The following NTNG1 variants were observed in gnomAD, a reference collection of about 807,000 sequenced individuals.
NTNG1 encodes the protein netrin G1, also known as netrin-G1.
In NTNG1, 16 loss-of-function variants were observed where a neutral mutation model predicts 54.0. That is an observed-to-expected ratio of 0.30 (90% CI 0.20 to 0.45). The LOEUF (loss-of-function observed/expected upper bound fraction) is 0.45. Ranked by LOEUF, NTNG1 falls within the 20% of genes least tolerant of loss-of-function variation. The pLI is 1.00. For missense variants in NTNG1, 530 were observed against 678.7 expected (o/e 0.78, Z 2.43); for synonymous variants, 255 against 263.1 (o/e 0.97, Z 0.30).
intron 2 of NTNG1, among the ~76,000 whole-genome samples, chr1:107,251,220 A>G (rs539381739): frequency 1.2e-4 from 19 of 152,328 alleles, no homozygotes; most frequent in African/African-American, 3.8e-4. Flanking sequence ...AATCTTGCTC[A>G]TATATCCATA....
At position 107,324,929 on chromosome 1, in the gene NTNG1, G is replaced by GA; in HGVS notation, c.887+11dup. The stretch of plus-strand genomic sequence containing the variant: ...ACATAAAGGTGCGAGGAAGGTAAGA[G>GA]AAAATCTGTCTGCCTTCAATGGGAA... On this transcript the variant is annotated splice_region_variant and intron_variant, in intron 3 of 7. Coordinates refer to ENST00000370068, the MANE Select transcript of NTNG1 (RefSeq NM_001113226.3). 2 of 1,600,868 alleles carry GA rather than the reference G, an allele frequency of 1.2e-6. No homozygotes were observed. The highest frequency in any genetic ancestry group is 2.2e-5 in the East Asian group (1 of 44,678).
chr1:107,351,287 G>T (rs1280966176), intron 3 of NTNG1, among the ~76,000 whole-genome samples: 2 of 152,134 alleles, frequency 1.3e-5, no homozygotes, highest in African/African-American at 4.8e-5. Flanking sequence ...TAGTCAGTTT[G>T]CTCACTGCTA....
rs770978702 is a variant in NTNG1, at chr1:107,181,727, C to T, written c.246+32888C>T. ...TTAATGTCCTTGCTGTCTGCACTGA[C>T]TTGGGGCTCCAAGGCTCTCTCATTA... On this transcript the variant is annotated intron_variant, in intron 2 of 7. Coordinates refer to ENST00000370068, the MANE Select transcript of NTNG1 (RefSeq NM_001113226.3). Among the ~76,000 whole-genome samples the T allele has an allele frequency of 2.1e-4, 32 of 152,262 alleles. No individual in the cohort carries two copies. In the East Asian group the frequency reaches 3.1e-3, roughly 15 times the overall value.
intron 2 of NTNG1, among the ~76,000 whole-genome samples, chr1:107,297,146 TATATATATAACATC>T (rs1182275268): frequency 1.0e-4 from 15 of 144,894 alleles, no homozygotes; most frequent in East Asian, 2.0e-4. Flanking sequence ...TAACATCATA[TATATATATAACATC>T]ATATATATAA....
intron 3 of NTNG1, among the ~76,000 whole-genome samples, chr1:107,387,860 A>G (rs1413705182): frequency 6.6e-6 from 1 of 152,186 alleles, no homozygotes; most frequent in African/African-American, 2.4e-5. Flanking sequence ...GGGCCTTGGT[A>G]ATTGTTGGCC....
At chr1:107,347,112 G>A (rs555484751) in intron 3 of NTNG1, among the ~76,000 whole-genome samples, 37 of 152,052 alleles carry the variant, frequency 2.4e-4, no homozygotes, top group Admixed American at 8.5e-4. Context: ...CATCTTTGTC[G>A]TCACACAGAC....
At chr1:107,299,988 C>T (rs1453820818) in intron 2 of NTNG1, among the ~76,000 whole-genome samples, 1 of 152,150 alleles carries the variant, frequency 6.6e-6, no homozygotes, top group African/African-American at 2.4e-5. Context: ...ATCATAACAA[C>T]AGTGCTTCAT....
At chr1:107,265,557 C>A (rs3125681) in intron 2 of NTNG1, among the ~76,000 whole-genome samples, 1 of 152,298 alleles carries the variant, frequency 6.6e-6, no homozygotes, top group African/African-American at 2.4e-5. Context: ...ATGTCATATG[C>A]AGATTCTAAA....
intron 2 of NTNG1, among the ~76,000 whole-genome samples, chr1:107,243,207 C>A (rs1199985363): frequency 2.0e-5 from 3 of 152,120 alleles, no homozygotes; most frequent in Non-Finnish European, 4.4e-5. Context: ...CTTGTTATAA[C>A]ATCAGTGGTT....
chr1:107,299,767 A>G (rs1666209538), intron 2 of NTNG1, among the ~76,000 whole-genome samples: 1 of 152,172 alleles, frequency 6.6e-6, no homozygotes, highest in Non-Finnish European at 1.5e-5. Flanking sequence ...CAGATAAGCA[A>G]CTAAGGCCAG....
chr1:107,391,347 G>C (rs1672346553), intron 3 of NTNG1, among the ~76,000 whole-genome samples: 1 of 152,152 alleles, frequency 6.6e-6, no homozygotes, highest in African/African-American at 2.4e-5. Flanking sequence ...ATTGTGTTGA[G>C]ATTGGGTAGA....
chr1:107,149,299 A>G (rs1392968785), intron 2 of NTNG1, among the ~76,000 whole-genome samples: 1 of 152,190 alleles, frequency 6.6e-6, no homozygotes, highest in Non-Finnish European at 1.5e-5. Context: ...TCTCATAATT[A>G]TGTTCATCAG....
rs1370907295 is a variant in NTNG1 at position 107,324,264 on chromosome 1, TTTG to T, written c.247-15_247-13del. 3 of 1,607,392 alleles carry T rather than the reference TTTG, an allele frequency of 1.9e-6. No homozygotes were observed. The highest frequency in any genetic ancestry group is 2.6e-6 in the Non-Finnish European group (3 of 1,175,006). ...AAACCAGTGTTTTGATGCACGCTCT[TTTG>T]TTCTTCTTCCATAGGGCAATCCCTA... On this transcript the variant is annotated splice_polypyrimidine_tract_variant and intron_variant, in intron 2 of 7. Coordinates refer to ENST00000370068, the MANE Select transcript of NTNG1 (RefSeq NM_001113226.3).
chr1:107,280,292 CTCT>C (rs1031714910), intron 2 of NTNG1, among the ~76,000 whole-genome samples: 12 of 149,486 alleles, frequency 8.0e-5, no homozygotes, highest in Non-Finnish European at 1.3e-4. Flanking sequence ...GTTCTCTGCT[CTCT>C]TCTTTGCAAC....
intron 3 of NTNG1, among the ~76,000 whole-genome samples, chr1:107,341,715 C>CA (rs1269963158): frequency 6.6e-6 from 1 of 151,856 alleles, no homozygotes; most frequent in Non-Finnish European, 1.5e-5. Flanking sequence ...TTGGTCAGCA[C>CA]AAAAAAGGAG....
At chr1:107,449,704 GCTT>G (rs1676509183) in intron 7 of NTNG1, among the ~76,000 whole-genome samples, 1 of 142,086 alleles carries the variant, frequency 7.0e-6, no homozygotes, top group Non-Finnish European at 1.5e-5. Flanking sequence ...AATGTTATGA[GCTT>G]CTTCTGCTGG....
At chr1:107,207,750 A>G (rs187238574) in intron 2 of NTNG1, among the ~76,000 whole-genome samples, 1 of 152,180 alleles carries the variant, frequency 6.6e-6, no homozygotes, top group African/African-American at 2.4e-5. Flanking sequence ...TGCTCTGTGA[A>G]GTGATAAGAG....
At chr1:107,157,604 T>C (rs12239605) in intron 2 of NTNG1, among the ~76,000 whole-genome samples, 6,171 of 152,268 alleles carry the variant, frequency 0.041, 441 homozygotes, top group African/African-American at 0.14. Context: ...GGTTATAATG[T>C]TTTAAATTTG....
chr1:107,241,540 T>C (rs950638093), intron 2 of NTNG1, among the ~76,000 whole-genome samples: 1 of 152,188 alleles, frequency 6.6e-6, no homozygotes, highest in African/African-American at 2.4e-5. Flanking sequence ...GTTTTAACCC[T>C]ACTAAAAGTA....
Sources: gnomAD v4.1 joint callset for allele counts (sites outside exome capture counted in the v4.1 genomes callset) on GRCh38, gnomAD v4.1.1 for gene constraint, MANE v1.5 for transcripts, NCBI Gene and HGNC (gene_info 2026-07-23, HGNC 2026-07-21) for gene names.